SEMA3D: variants seen among roughly 807,000 people sequenced by gnomAD.
The protein encoded by SEMA3D is semaphorin-3D.
Under a neutral mutation model 100.1 loss-of-function variants are expected in SEMA3D, and 84 were observed. The ratio of observed to expected loss-of-function variants is 0.84; its 90% CI spans 0.70 to 1.01. SEMA3D has a LOEUF of 1.01. Ranked by LOEUF, SEMA3D falls within the 50% of genes least tolerant of loss-of-function variation. The pLI, the probability that SEMA3D is intolerant of heterozygous loss-of-function variation, is 0.00. For synonymous variants in SEMA3D, 312 were observed against 320.7 expected (o/e 0.97, Z 0.29); for missense variants, 875 against 934.1 (o/e 0.94, Z 0.82).
chr7:85,233,669 T>C, the SEMA3D span, among the ~76,000 whole-genome samples: 1 of 152,222 alleles, frequency 6.6e-6, no homozygotes, highest in East Asian at 1.9e-4. Context: ...ATGGTGCTTG[T>C]AATCATTTTG....
chr7:85,100,312 CT>C (rs61378869), intron 3 of SEMA3D, among the ~76,000 whole-genome samples: 183 of 142,524 alleles, frequency 1.3e-3, no homozygotes, highest in Non-Finnish European at 1.2e-3. Flanking sequence ...GTTGATTTTT[CT>C]TTTTTTTTTT....
At chr7:85,148,862 A>C (rs971794342) in intron 2 of SEMA3D, among the ~76,000 whole-genome samples, 5 of 152,046 alleles carry the variant, frequency 3.3e-5, no homozygotes, top group Non-Finnish European at 5.9e-5. Flanking sequence ...TGCTATATAA[A>C]CATTTATATT....
chr7:85,029,773 G>C (rs778138560), intron 12 of SEMA3D: 3 of 233,666 alleles, frequency 1.3e-5, no homozygotes, highest in African/African-American at 2.3e-5. Context: ...AAATTCTATG[G>C]CAGTTTTACG....
upstream of SEMA3D, among the ~76,000 whole-genome samples, chr7:85,187,317 T>TATACCATAGAG (rs1237052748): frequency 6.6e-6 from 1 of 152,228 alleles, no homozygotes; most frequent in African/African-American, 2.4e-5. Flanking sequence ...GGGACTTCTT[T>TATACCATAGAG]AGTTCCTTCT....
At chr7:84,999,918 G>A (rs1190323091) in intron 18 of SEMA3D, 53 bp from the exon 19 acceptor site, 5 of 1,460,874 alleles carry the variant, frequency 3.4e-6, no homozygotes, top group Admixed American at 1.8e-5. Context: ...AGAGCTAAGA[G>A]CAAATGAAAA....
chr7:85,058,480 G>T (rs373254026), intron 8 of SEMA3D, among the ~76,000 whole-genome samples: 7 of 151,974 alleles, frequency 4.6e-5, no homozygotes, highest in East Asian at 1.9e-4. Context: ...TCTTGGTGTG[G>T]CTCACGCCTA....
chr7:85,025,073 A>G (rs1189338032), intron 12 of SEMA3D, among the ~76,000 whole-genome samples: 1 of 152,030 alleles, frequency 6.6e-6, no homozygotes, highest in Non-Finnish European at 1.5e-5. Flanking sequence ...GGTATTAGAA[A>G]TCTAGTGGGT....
At chr7:85,201,342 A>G in the SEMA3D span, among the ~76,000 whole-genome samples, 1 of 152,072 alleles carries the variant, frequency 6.6e-6, no homozygotes, top group Non-Finnish European at 1.5e-5. Flanking sequence ...CCAGTAGTCC[A>G]TGCTGTGACT....
chr7:85,065,054 T>C (rs780148858), intron 8 of SEMA3D, among the ~76,000 whole-genome samples: 3 of 152,174 alleles, frequency 2.0e-5, no homozygotes, highest in African/African-American at 4.8e-5. Flanking sequence ...GAATTCTCAC[T>C]CTGCATCTGA....
intron 3 of SEMA3D, among the ~76,000 whole-genome samples, chr7:85,105,423 A>T (rs143915933): frequency 7.9e-5 from 12 of 152,190 alleles, no homozygotes; most frequent in South Asian, 4.1e-4. Context: ...GAGGCTTGAG[A>T]TCATGTGAAA....
chr7:85,088,226 C>A (rs1788281726), intron 4 of SEMA3D, among the ~76,000 whole-genome samples: 1 of 152,094 alleles, frequency 6.6e-6, no homozygotes, highest in Admixed American at 6.6e-5. Context: ...CAGTGTTAGG[C>A]AAGTTACAGA....
At chr7:85,015,968 G>C (rs922969917) in intron 15 of SEMA3D, among the ~76,000 whole-genome samples, 1 of 151,542 alleles carries the variant, frequency 6.6e-6, no homozygotes, top group African/African-American at 2.4e-5. Context: ...CCACTCTAGT[G>C]GACCATTTCA....
chr7:85,118,081 ATCCCTATTT>A (rs1789298007), intron 3 of SEMA3D, among the ~76,000 whole-genome samples: 1 of 151,966 alleles, frequency 6.6e-6, no homozygotes. Context: ...TTATTGGATG[ATCCCTATTT>A]CTCTGTCTTC....
chr7:85,151,614 TG>T, intron 2 of SEMA3D: 2 of 971,608 alleles, frequency 2.1e-6, no homozygotes, highest in South Asian at 4.8e-5. Flanking sequence ...TGTGTGTGTG[TG>T]TGTGTGTGTG....
At chr7:85,240,566 G>A in the SEMA3D span, among the ~76,000 whole-genome samples, 3 of 152,052 alleles carry the variant, frequency 2.0e-5, no homozygotes, top group African/African-American at 7.2e-5. Context: ...CAAAGAATTG[G>A]CATAATTTCT....
intron 11 of SEMA3D, among the ~76,000 whole-genome samples, chr7:85,039,319 T>C (rs1004632870): frequency 2.0e-5 from 3 of 152,110 alleles, no homozygotes; most frequent in Admixed American, 2.0e-4. Flanking sequence ...GGGGCTGGAG[T>C]GCAATGGCAC....
At chr7:85,228,263 C>T in the SEMA3D span, among the ~76,000 whole-genome samples, 4 of 152,132 alleles carry the variant, frequency 2.6e-5, no homozygotes, top group South Asian at 2.1e-4. Flanking sequence ...ACTACAAAGT[C>T]ATGGTTAAAT....
At chr7:85,178,948 T>C (rs1398143564) in intron 1 of SEMA3D, among the ~76,000 whole-genome samples, 3 of 152,198 alleles carry the variant, frequency 2.0e-5, no homozygotes, top group African/African-American at 4.8e-5. Context: ...GCTCAGGCCA[T>C]TGCTTAAGAG....
chr7:85,162,318 T>C (rs1790769811), intron 1 of SEMA3D, among the ~76,000 whole-genome samples: 1 of 152,034 alleles, frequency 6.6e-6, no homozygotes, highest in African/African-American at 2.4e-5. Flanking sequence ...AAACACAGAG[T>C]TAACAAAACA....
Sources: gnomAD v4.1 joint callset for allele counts (sites outside exome capture counted in the v4.1 genomes callset) on GRCh38, gnomAD v4.1.1 for gene constraint, MANE v1.5 for transcripts, NCBI Gene and HGNC (gene_info 2026-07-23, HGNC 2026-07-21) for gene names.